The following MSRB3 variants were observed in gnomAD, a reference collection of about 807,000 sequenced individuals.
MSRB3 encodes methionine-R-sulfoxide reductase B3.
MSRB3 carries 13 observed loss-of-function variants against 21.0 expected under a neutral mutation model. The observed-to-expected ratio is 0.62, with a 90% CI of 0.40 to 0.98. The LOEUF (loss-of-function observed/expected upper bound fraction) is 0.98. Ranked by LOEUF, MSRB3 falls within the 50% of genes least tolerant of loss-of-function variation. MSRB3 has a pLI of 0.00. For missense variants in MSRB3, 199 were observed against 230.3 expected, an observed-to-expected ratio of 0.86 and a Z score of 0.88; for synonymous variants, 87 against 88.6, an observed-to-expected ratio of 0.98 and a Z score of 0.10.
chr12:65,333,261 T>C (rs1875546604), intron 4 of MSRB3, among the ~76,000 whole-genome samples: 2 of 152,302 alleles, frequency 1.3e-5, no homozygotes, highest in South Asian at 4.1e-4. Context: ...CAACAAACCA[T>C]TATAAAATAT....
At chr12:65,360,216 G>A (rs180960853) in intron 4 of MSRB3, among the ~76,000 whole-genome samples, 216 of 152,022 alleles carry the variant, frequency 1.4e-3, no homozygotes, top group African/African-American at 4.6e-3. Context: ...AGATATTAGG[G>A]GTTAAAATAT....
intron 4 of MSRB3, among the ~76,000 whole-genome samples, chr12:65,331,232 C>T (rs1875394856): frequency 6.6e-6 from 1 of 152,088 alleles, no homozygotes; most frequent in African/African-American, 2.4e-5. Context: ...ACACAGAATA[C>T]ACAGTATTTT....
intron 5 of MSRB3, among the ~76,000 whole-genome samples, chr12:65,396,472 C>T (rs1176904365): frequency 1.3e-5 from 2 of 152,122 alleles, no homozygotes; most frequent in South Asian, 4.1e-4. Flanking sequence ...GGGTGAATCA[C>T]CTGAGGTCAG....
intron 6 of MSRB3, 134 bp downstream of exon 6, chr12:65,453,959 G>A: frequency 1.3e-6 from 1 of 743,598 alleles, no homozygotes. Flanking sequence ...GAAGTCCGAT[G>A]GATGCCTATG....
chr12:65,396,314 A>G (rs1879776599), intron 5 of MSRB3, among the ~76,000 whole-genome samples: 2 of 152,224 alleles, frequency 1.3e-5, no homozygotes, highest in Non-Finnish European at 2.9e-5. Context: ...TATTCTAGCT[A>G]TCTTTCCGTT....
At chr12:65,326,764 A>C (rs1592527637) in intron 2 of MSRB3, 62 bp from the exon 3 acceptor site, 3 of 1,349,912 alleles carry the variant, frequency 2.2e-6, no homozygotes, top group Non-Finnish European at 3.2e-6. Context: ...GCGGTCAGCC[A>C]AAGCAATTAT....
At chr12:65,398,468 T>C (rs1879937770) in intron 5 of MSRB3, among the ~76,000 whole-genome samples, 1 of 152,242 alleles carries the variant, frequency 6.6e-6, no homozygotes, top group African/African-American at 2.4e-5. Context: ...GTTTTTTTCT[T>C]GTAAATTTGT....
intron 2 of MSRB3, among the ~76,000 whole-genome samples, chr12:65,320,754 A>G (rs963698185): frequency 1.3e-5 from 2 of 152,240 alleles, no homozygotes; most frequent in Admixed American, 1.3e-4. Flanking sequence ...GGAAGTAAAA[A>G]AAGGTAATGC....
chr12:65,344,110 CTG>C (rs1876327085), intron 4 of MSRB3: 1 of 152,130 alleles, frequency 6.6e-6, no homozygotes, highest in East Asian at 1.9e-4. Flanking sequence ...GGAAAAAACA[CTG>C]TAAATGTGAA....
At position 65,463,463 on chromosome 12, in the gene MSRB3, A is replaced by G; in HGVS notation, c.*141A>G. 9.7e-7 allele frequency: 1 copy of G among 1,033,476 alleles called. No individual in the cohort carries two copies. The highest frequency in any genetic ancestry group is 2.6e-5 in the East Asian group (1 of 38,304). The allele number at this position is 1,033,476 out of a possible 1,614,324, so 64.0% of individuals were successfully genotyped here. A position where few individuals can be genotyped will look rare whatever the true frequency, so the allele number is the denominator to read the frequency against. ...TTGATATTTTTTCTTCTTTTGCTTA[A>G]ACAGAAGCCCTGGCCATCCATGTAT... On this transcript the variant is annotated 3_prime_UTR_variant, in exon 7 of 7. Transcript: ENST00000308259.
chr12:65,425,995 C>G (rs1168262649), intron 5 of MSRB3, among the ~76,000 whole-genome samples: 1 of 151,792 alleles, frequency 6.6e-6, no homozygotes, highest in Non-Finnish European at 1.5e-5. Context: ...TAGCTGGGAC[C>G]ACAGGCATGT....
chr12:65,398,695 G>A (rs539242163), intron 5 of MSRB3, among the ~76,000 whole-genome samples: 1 of 152,282 alleles, frequency 6.6e-6, no homozygotes, highest in East Asian at 1.9e-4. Context: ...GAGTATGTCT[G>A]AATGGTATTG....
intron 2 of MSRB3, among the ~76,000 whole-genome samples, chr12:65,311,777 G>A (rs1283067796): frequency 1.3e-5 from 2 of 152,002 alleles, no homozygotes; most frequent in East Asian, 1.9e-4. Context: ...TATTCAATAT[G>A]AAATAATTCC....
chr12:65,339,641 ATATT>A (rs1195083909), intron 4 of MSRB3, among the ~76,000 whole-genome samples: 2 of 152,158 alleles, frequency 1.3e-5, no homozygotes, highest in African/African-American at 2.4e-5. Flanking sequence ...TGAATTTTGA[ATATT>A]TATTTTCTTT....
intron 1 of MSRB3, chr12:65,285,366 G>A (rs923178508): frequency 1.3e-5 from 2 of 152,200 alleles, no homozygotes; most frequent in Non-Finnish European, 2.9e-5. Flanking sequence ...GCATTGCTGT[G>A]ATTGGGTTAC....
At chr12:65,310,281 G>T (rs1873911298) in intron 2 of MSRB3, among the ~76,000 whole-genome samples, 1 of 152,078 alleles carries the variant, frequency 6.6e-6, no homozygotes, top group Non-Finnish European at 1.5e-5. Flanking sequence ...GTGTGAGGCT[G>T]GAATGACATG....
At chr12:65,344,072 G>A (rs1299132571) in intron 4 of MSRB3, 1 of 152,068 alleles carries the variant, frequency 6.6e-6, no homozygotes, top group South Asian at 2.1e-4. Context: ...AGAGGATTAA[G>A]TAAATAATGT....
intron 6 of MSRB3, among the ~76,000 whole-genome samples, chr12:65,459,802 G>C (rs1883243081): frequency 6.6e-6 from 1 of 152,164 alleles, no homozygotes; most frequent in South Asian, 2.1e-4. Flanking sequence ...TACACTATTT[G>C]TGTTTCTTAT....
intron 4 of MSRB3, among the ~76,000 whole-genome samples, chr12:65,335,172 G>A (rs1475434489): frequency 3.9e-5 from 6 of 152,096 alleles, no homozygotes; most frequent in Admixed American, 6.5e-5. Flanking sequence ...AAAATGCCTC[G>A]AATATGCCAG....
Sources: allele counts gnomAD v4.1 joint callset (sites outside exome capture counted in the v4.1 genomes callset), GRCh38; gene constraint gnomAD v4.1.1; transcripts MANE v1.5; gene names NCBI Gene and HGNC (gene_info 2026-07-23, HGNC 2026-07-21).